SEPSECS: variants seen among roughly 807,000 people sequenced by gnomAD.
The protein encoded by SEPSECS is Sep (O-phosphoserine) tRNA:Sec (selenocysteine) tRNA synthase, also known as O-phosphoseryl-tRNA(Sec) selenium transferase.
In SEPSECS, 42 loss-of-function variants were observed where a neutral mutation model predicts 52.1. The observed-to-expected ratio is 0.81, with a 90% CI of 0.63 to 1.04. SEPSECS has a LOEUF of 1.04. Ranked by LOEUF, SEPSECS falls within the 50% of genes least tolerant of loss-of-function variation. The pLI, the probability that SEPSECS is intolerant of heterozygous loss-of-function variation, is 0.00. For synonymous variants in SEPSECS, 216 were observed against 211.4 expected, an observed-to-expected ratio of 1.02 and a Z score of -0.19; for missense variants, 590 against 610.6, an observed-to-expected ratio of 0.97 and a Z score of 0.36.
intron 8 of SEPSECS, among the ~76,000 whole-genome samples, chr4:25,139,889 A>G (rs892093268): frequency 2.6e-5 from 4 of 152,164 alleles, no homozygotes; most frequent in East Asian, 3.9e-4. Context: ...TCAGCATTAG[A>G]AAGTTTAAAA....
In SEPSECS at chr4:25,152,748, TAATA is replaced by T. The variant is rs1481019224; in HGVS notation, c.702-690_702-687del. On this transcript the variant is annotated intron_variant, in intron 5 of 10. Transcript: ENST00000382103. ...AAGGTAATAAATTTCAGTGACAGCATAATAAATAGATGTTCTTTCACAAAGCCAA... is the reference window on the plus strand; with the variant it reads ...AAGGTAATAAATTTCAGTGACAGCATAATAGATGTTCTTTCACAAAGCCAA... 4.6e-5 allele frequency among the ~76,000 whole-genome samples: 7 copies of T among 152,096 alleles called. No individual in the cohort carries two copies. In the East Asian group the frequency reaches 1.3e-3, roughly 29 times the overall value.
At position 25,123,368 on chromosome 4, in the gene SEPSECS, CA is replaced by C. The variant is rs1266681200; in HGVS notation, c.*562del. Reference sequence around the variant, plus strand: ...GTTAACAGCATCCCACCAGTTGTGACAACCAAAAATGTCTGCAGATGCTGTT... The same window carrying C: ...GTTAACAGCATCCCACCAGTTGTGACACCAAAAATGTCTGCAGATGCTGTT... On this transcript the variant is annotated 3_prime_UTR_variant, in exon 11 of 11. Coordinates refer to ENST00000382103, the MANE Select transcript of SEPSECS (RefSeq NM_016955.4). 2 of 160,094 alleles carry C rather than the reference CA, an allele frequency of 1.2e-5. No individual in the cohort carries two copies. The highest frequency in any genetic ancestry group is 4.8e-5 in the African/African-American group (2 of 41,492). 9.9% of individuals were successfully genotyped at this position (160,094 alleles called of 1,614,324 possible). A position where few individuals can be genotyped will look rare whatever the true frequency, so the allele number is the denominator to read the frequency against.
intron 1 of SEPSECS, chr4:25,159,489 C>A: frequency 2.8e-6 from 1 of 356,036 alleles, no homozygotes; most frequent in Non-Finnish European, 5.6e-6. Context: ...AAATTTTGGC[C>A]ACGCGCTGTA....
At chr4:25,145,839 A>AT (rs1375704620) in intron 6 of SEPSECS, among the ~76,000 whole-genome samples, 1 of 152,184 alleles carries the variant, frequency 6.6e-6, no homozygotes, top group Non-Finnish European at 1.5e-5. Flanking sequence ...AAGCACTCAG[A>AT]TAAAAAACAA....
In SEPSECS at chr4:25,142,568, G is replaced by GTAAGT. The variant is rs535296803; in HGVS notation, c.1026+2205_1026+2206insACTTA. Reference sequence around the variant, plus strand: ...ATGACATGTGGTCAATAAATACACAGTAAATGTTTACTCGAATCTTATCCC... The same window carrying GTAAGT: ...ATGACATGTGGTCAATAAATACACAGTAAGTTAAATGTTTACTCGAATCTTATCCC... On this transcript the variant is annotated intron_variant, in intron 8 of 10. Coordinates refer to ENST00000382103, the MANE Select transcript of SEPSECS (RefSeq NM_016955.4). Among the ~76,000 whole-genome samples the GTAAGT allele has an allele frequency of 2.0e-3, 307 of 152,260 alleles. 2 individuals carry two copies. The South Asian group carries it at 0.021, about 10-fold the overall frequency.
At chr4:25,155,489 G>C (rs1712571171) in intron 4 of SEPSECS, among the ~76,000 whole-genome samples, 1 of 152,186 alleles carries the variant, frequency 6.6e-6, no homozygotes, top group Admixed American at 6.5e-5. Flanking sequence ...CTTTAATCCA[G>C]TTCAGTTTCA....
chr4:25,133,823 A>T (rs1728715181), intron 8 of SEPSECS, among the ~76,000 whole-genome samples: 2 of 147,192 alleles, frequency 1.4e-5, no homozygotes, highest in South Asian at 2.2e-4. Context: ...TTATTCCCTT[A>T]AAAAAAAAAG....
intron 4 of SEPSECS, 106 bp downstream of exon 4, chr4:25,155,931 C>G (rs1364042896): frequency 3.7e-6 from 4 of 1,077,836 alleles, no homozygotes; most frequent in Non-Finnish European, 4.1e-6. Context: ...TTTAAAAAAG[C>G]AATAGGGAAG....
chr4:25,136,602 T>A (rs1728852482), intron 8 of SEPSECS, among the ~76,000 whole-genome samples: 1 of 152,088 alleles, frequency 6.6e-6, no homozygotes, highest in Non-Finnish European at 1.5e-5. Context: ...ATATTATGGA[T>A]AGGAAGAACC....
intron 6 of SEPSECS, among the ~76,000 whole-genome samples, chr4:25,147,370 T>C (rs1485273392): frequency 6.6e-6 from 1 of 152,252 alleles, no homozygotes; most frequent in Non-Finnish European, 1.5e-5. Flanking sequence ...CTCCAGTTCC[T>C]ACCCTGGTGC....
chr4:25,159,175 T>C (rs1403856430), intron 1 of SEPSECS, 68 bp from the exon 2 acceptor site: 2 of 1,328,090 alleles, frequency 1.5e-6, no homozygotes, highest in African/African-American at 1.5e-5. Flanking sequence ...ACTACAGGAA[T>C]ACAGTTTTTC....
chr4:25,146,843 T>C (rs918095291), intron 6 of SEPSECS, among the ~76,000 whole-genome samples: 1 of 152,198 alleles, frequency 6.6e-6, no homozygotes, highest in Non-Finnish European at 1.5e-5. Flanking sequence ...ACTACCACCC[T>C]GGCCAAAGCC....
intron 4 of SEPSECS, 52 bp downstream of exon 4, chr4:25,155,985 C>T: frequency 6.7e-7 from 1 of 1,502,750 alleles, no homozygotes; most frequent in Non-Finnish European, 9.2e-7. Context: ...TATAAGAAAT[C>T]TGAATTTCAT....
At chr4:25,141,120 T>G (rs1210902712) in intron 8 of SEPSECS, among the ~76,000 whole-genome samples, 1 of 152,188 alleles carries the variant, frequency 6.6e-6, no homozygotes, top group African/African-American at 2.4e-5. Context: ...TATACGGGTC[T>G]TGAGCATCTA....
In SEPSECS at chr4:25,120,193, C is replaced by A. The variant is rs569703028; in HGVS notation, c.*3738G>T. On this transcript the variant is annotated 3_prime_UTR_variant, in exon 11 of 11. Transcript: ENST00000382103. ...CCCACGGTTATACAGTTAAGCATAG[C>A]CTTTCTTTGTATTTCTCAAGTTGAC... 6.6e-6 allele frequency: 1 copy of A among 152,194 alleles called. No homozygotes were observed. The highest frequency in any genetic ancestry group is 2.4e-5 in the African/African-American group (1 of 41,548). 9.4% of individuals were successfully genotyped at this position (152,194 alleles called of 1,614,324 possible). A position where few individuals can be genotyped will look rare whatever the true frequency, so the allele number is the denominator to read the frequency against.
rs370101229 is a variant in SEPSECS at position 25,127,287 on chromosome 4, G to A, written c.1097C>T (p.Thr366Ile). 12 of 1,611,884 alleles carry A rather than the reference G, an allele frequency of 7.4e-6. No individual in the cohort carries two copies. In the South Asian group the frequency reaches 7.7e-5, roughly 10 times the overall value. ...ACCTAAAGATATGGGATTGTGAGGT[G>A]TATGCAACAGTCTTTCATTGTAGGC... ...SEAYNERLLH[T>I]PHNPISLAMT... is the part of the protein sequence containing the mutation. The change falls in exon 9 of 11, where the codon ACA becomes ATA. Residue 366 changes from threonine (T) to isoleucine (I), a missense_variant. Physicochemically the swap from Thr to Ile is moderately conservative, Grantham distance 89. Coordinates refer to ENST00000382103, the MANE Select transcript of SEPSECS (RefSeq NM_016955.4).
intron 6 of SEPSECS, among the ~76,000 whole-genome samples, chr4:25,149,106 T>C (rs913660529): frequency 2.0e-5 from 3 of 152,078 alleles, no homozygotes; most frequent in African/African-American, 7.2e-5. Context: ...TCACCCAGGC[T>C]GAGTGCAGTG....
intron 9 of SEPSECS, 37 bp downstream of exon 9, chr4:25,127,227 A>G (rs766999359): frequency 1.1e-5 from 15 of 1,328,494 alleles, no homozygotes; most frequent in South Asian, 9.4e-5. Context: ...AGAGTGGATC[A>G]TAAGTATTTG....
chr4:25,133,840 T>C (rs949362982), intron 8 of SEPSECS, among the ~76,000 whole-genome samples: 1 of 151,284 alleles, frequency 6.6e-6, no homozygotes, highest in African/African-American at 2.4e-5. Context: ...AAAGGCTTGG[T>C]GCAGTAGCTT....
Sources: gnomAD v4.1 joint callset for allele counts (sites outside exome capture counted in the v4.1 genomes callset) on GRCh38, gnomAD v4.1.1 for gene constraint, MANE v1.5 for transcripts, NCBI Gene and HGNC (gene_info 2026-07-23, HGNC 2026-07-21) for gene names.